Variants in ATP11C observed in about 807,000 individuals in gnomAD.
ATP11C encodes ATPase phospholipid transporting 11C (ATP11C blood group), also known as phospholipid-transporting ATPase IG.
A neutral mutation model predicts 97.4 loss-of-function variants in ATP11C; 36 were observed. That is an observed-to-expected ratio of 0.37 (90% CI 0.28 to 0.49). The LOEUF (loss-of-function observed/expected upper bound fraction) is 0.49, where lower values mean the gene tolerates loss of function less well. Ranked by LOEUF, ATP11C falls within the 20% of genes least tolerant of loss-of-function variation. The pLI is 0.98. For missense variants in ATP11C, 730 were observed against 824.6 expected (o/e 0.89, Z 1.40); for synonymous variants, 275 against 290.9 (o/e 0.95, Z 0.56).
intron 5 of ATP11C, among the ~76,000 whole-genome samples, chrX:139,806,143 C>G (rs756310446): frequency 6.3e-5 from 7 of 111,158 alleles, no homozygotes; most frequent in South Asian, 3.8e-4. Flanking sequence ...TATAAAGGCC[C>G]CTATATCTGC....
chrX:139,787,328 C>T (rs2082595367), intron 14 of ATP11C, 84 bp from the exon 15 acceptor site: 5 of 807,192 alleles, frequency 6.2e-6, no homozygotes, highest in Non-Finnish European at 8.5e-6. Flanking sequence ...GACAGAGTCT[C>T]GCTCTGTTGC....
At chrX:139,820,769 A>G (rs1026996154) in intron 2 of ATP11C, among the ~76,000 whole-genome samples, 1 of 111,719 alleles carries the variant, frequency 9.0e-6, no homozygotes, top group Non-Finnish European at 1.9e-5. Context: ...AAGCTCAGGG[A>G]CTGAATCACT....
chrX:139,888,812 G>T (rs2485725), intron 1 of ATP11C, among the ~76,000 whole-genome samples: 16 of 102,718 alleles, frequency 1.6e-4, no homozygotes, highest in African/African-American at 4.5e-4. Flanking sequence ...CCTGAACACA[G>T]TTTTTTTTTT....
At chrX:139,859,946 CA>C (rs1174182010) in intron 1 of ATP11C, among the ~76,000 whole-genome samples, 2 of 92,473 alleles carry the variant, frequency 2.2e-5, no homozygotes, top group Non-Finnish European at 1.9e-5. Flanking sequence ...ACTAAAAATA[CA>C]AAAAAAAATT....
At chrX:139,744,173 G>A (rs1160352448) in intron 25 of ATP11C, among the ~76,000 whole-genome samples, 1 of 110,754 alleles carries the variant, frequency 9.0e-6, no homozygotes. Context: ...TGGCACATAT[G>A]CTTACCAAAT....
At chrX:139,880,946 T>C (rs2084551846) in intron 1 of ATP11C, among the ~76,000 whole-genome samples, 1 of 111,942 alleles carries the variant, frequency 8.9e-6, no homozygotes, top group East Asian at 2.8e-4. Flanking sequence ...TGTGTGTTAA[T>C]TACAGTCTGG....
chrX:139,832,976 C>CT (rs2083681135), intron 1 of ATP11C, among the ~76,000 whole-genome samples: 1 of 112,180 alleles, frequency 8.9e-6, no homozygotes, highest in African/African-American at 3.2e-5. Flanking sequence ...CCAAAAATTA[C>CT]TTTCTAGATC....
In ATP11C at chrX:139,873,678, G is replaced by C. The variant is rs764930715; in HGVS notation, c.28-46855C>G. ...GCCAAGATCTCACCACTGCACTCCA[G>C]GCTGGGTAACAGAGCGAGACTCCAA... On this transcript the variant is annotated intron_variant, in intron 1 of 29. Transcript: ENST00000682941. Among the ~76,000 whole-genome samples, 64 of 92,919 alleles carry C rather than the reference G, an allele frequency of 6.9e-4. 1 individual carries two copies. The highest frequency in any genetic ancestry group is 2.7e-3 in the African/African-American group (62 of 23,160). 80.7% of individuals were successfully genotyped at this position (92,919 alleles called of 115,157 possible).
chrX:139,934,061 T>C (rs1455620823), upstream of ATP11C, among the ~76,000 whole-genome samples: 1 of 111,609 alleles, frequency 9.0e-6, no homozygotes, highest in East Asian at 2.8e-4. Context: ...GGGAAGGCTT[T>C]AGAGGGACCT....
At chrX:139,733,212 C>T (rs778605067) in intron 28 of ATP11C, among the ~76,000 whole-genome samples, 13 of 111,545 alleles carry the variant, frequency 1.2e-4, no homozygotes, top group Non-Finnish European at 2.1e-4. Flanking sequence ...CCTTAAAACA[C>T]CCAGAAAAGT....
chrX:139,832,822 C>T (rs895161645), intron 1 of ATP11C, among the ~76,000 whole-genome samples: 10 of 111,958 alleles, frequency 8.9e-5, no homozygotes, highest in African/African-American at 2.6e-4. Context: ...AGACTTTTCT[C>T]ACTATTTAGA....
intron 1 of ATP11C, among the ~76,000 whole-genome samples, chrX:139,880,849 C>T (rs2084550047): frequency 8.9e-6 from 1 of 111,859 alleles, no homozygotes; most frequent in African/African-American, 3.2e-5. Context: ...ACCAGGTTAG[C>T]ACACAATGGA....
intron 22 of ATP11C, among the ~76,000 whole-genome samples, chrX:139,759,653 G>A (rs1309617389): frequency 8.9e-6 from 1 of 111,752 alleles, no homozygotes; most frequent in Non-Finnish European, 1.9e-5. Flanking sequence ...CGAGAGGATG[G>A]AAAGACTTCT....
chrX:139,739,851 T>C (rs2081520488), intron 27 of ATP11C, among the ~76,000 whole-genome samples: 1 of 111,824 alleles, frequency 8.9e-6, no homozygotes, highest in Non-Finnish European at 1.9e-5. Context: ...GAATTATTTG[T>C]TATATTATTA....
At chrX:139,817,203 G>C in intron 3 of ATP11C, among the ~76,000 whole-genome samples, 1 of 112,108 alleles carries the variant, frequency 8.9e-6, no homozygotes, top group Non-Finnish European at 1.9e-5. Flanking sequence ...CCACCTATTT[G>C]CTGAGCACCA....
At chrX:139,913,466 G>A (rs1163952500) in intron 1 of ATP11C, among the ~76,000 whole-genome samples, 1 of 111,759 alleles carries the variant, frequency 8.9e-6, no homozygotes, top group African/African-American at 3.3e-5. Context: ...CCCAAGCTAA[G>A]CCATCATATC....
At chrX:139,849,068 T>C (rs779784687) in intron 1 of ATP11C, among the ~76,000 whole-genome samples, 1 of 111,809 alleles carries the variant, frequency 8.9e-6, no homozygotes, top group South Asian at 3.8e-4. Flanking sequence ...CCTCTCTATA[T>C]GGGTGACCTT....
At chrX:139,861,928 T>G (rs1470157926) in intron 1 of ATP11C, among the ~76,000 whole-genome samples, 1 of 111,068 alleles carries the variant, frequency 9.0e-6, no homozygotes, top group Admixed American at 9.6e-5. Context: ...TCCTTTCACC[T>G]GCCCAAGGGA....
At chrX:139,886,910 A>C (rs758575256) in intron 1 of ATP11C, among the ~76,000 whole-genome samples, 43 of 112,049 alleles carry the variant, frequency 3.8e-4, no homozygotes, top group African/African-American at 1.3e-3. Flanking sequence ...TTTTGTAAAA[A>C]AAAAAAGAAA....
Sources: gnomAD v4.1 joint callset for allele counts (sites outside exome capture counted in the v4.1 genomes callset) on GRCh38, gnomAD v4.1.1 for gene constraint, MANE v1.5 for transcripts, NCBI Gene and HGNC (gene_info 2026-07-23, HGNC 2026-07-21) for gene names.